The following TNKS variants were observed in gnomAD, a reference collection of about 807,000 sequenced individuals.
TNKS encodes poly [ADP-ribose] polymerase tankyrase-1.
In TNKS, 72 loss-of-function variants were observed where a neutral mutation model predicts 135.8. That is an observed-to-expected ratio of 0.53 (90% CI 0.44 to 0.64). The LOEUF (loss-of-function observed/expected upper bound fraction) is 0.64, where lower values mean the gene tolerates loss of function less well. TNKS is among the 30% of genes least tolerant of loss of function. The probability of loss-of-function intolerance (pLI) is 0.00; values close to 1 mark genes in which losing one functional copy is unlikely to be tolerated. For missense variants in TNKS, 1,769 were observed against 1,674.0 expected, an observed-to-expected ratio of 1.06 and a Z score of -0.99; for synonymous variants, 849 against 649.3, an observed-to-expected ratio of 1.31 and a Z score of -4.68.
chr8:9,747,896 G>A, intron 17 of TNKS, 128 bp from the exon 18 acceptor site: 4 of 907,124 alleles, frequency 4.4e-6, no homozygotes, highest in South Asian at 2.0e-5. Flanking sequence ...TTTTTTAGAA[G>A]AAACTTCTGT....
intron 3 of TNKS, among the ~76,000 whole-genome samples, chr8:9,674,907 G>A (rs1585313267): frequency 6.6e-6 from 1 of 152,198 alleles, no homozygotes; most frequent in Non-Finnish European, 1.5e-5. Flanking sequence ...TATGGACTTT[G>A]AAGCCAGTAT....
chr8:9,566,900 G>A (rs924509021), intron 1 of TNKS, among the ~76,000 whole-genome samples: 1 of 152,028 alleles, frequency 6.6e-6, no homozygotes, highest in African/African-American at 2.4e-5. Flanking sequence ...GAGCCACCGC[G>A]CCCGGCCTAG....
At chr8:9,572,825 G>A (rs1357328242) in intron 1 of TNKS, among the ~76,000 whole-genome samples, 1 of 152,156 alleles carries the variant, frequency 6.6e-6, no homozygotes, top group African/African-American at 2.4e-5. Flanking sequence ...GTCTGGAACC[G>A]CTAGTGTTAA....
At chr8:9,580,020 T>C (rs1189424431) in intron 1 of TNKS, 139 bp from the exon 2 acceptor site, 2 of 673,320 alleles carry the variant, frequency 3.0e-6, no homozygotes, top group African/African-American at 3.6e-5. Context: ...ATGAAGCTAA[T>C]GTTTCTTTTG....
chr8:9,622,430 T>C, intron 3 of TNKS, among the ~76,000 whole-genome samples: 1 of 152,192 alleles, frequency 6.6e-6, no homozygotes, highest in East Asian at 1.9e-4. Context: ...ATCCTCACAA[T>C]GAAGCTGTGA....
chr8:9,598,761 GTGTGTATATATATATATATATATATA>G (rs1191209038), intron 2 of TNKS, among the ~76,000 whole-genome samples: 4 of 67,250 alleles, frequency 5.9e-5, no homozygotes, highest in Admixed American at 1.9e-4. Context: ...GTATATGTGT[GTGTGTATATATATATATATATATATA>G]TATATATATA....
At chr8:9,765,362 T>C (rs896019852) in intron 23 of TNKS, among the ~76,000 whole-genome samples, 3 of 151,966 alleles carry the variant, frequency 2.0e-5, no homozygotes, top group African/African-American at 7.3e-5. Flanking sequence ...TTAAAAAAAA[T>C]ACAGATTTAC....
At chr8:9,756,466 G>T (rs1182911566) in intron 20 of TNKS, among the ~76,000 whole-genome samples, 1 of 151,316 alleles carries the variant, frequency 6.6e-6, no homozygotes, top group African/African-American at 2.4e-5. Flanking sequence ...ATGTATACTA[G>T]ATAGAAATAA....
chr8:9,657,613 A>T, intron 3 of TNKS, among the ~76,000 whole-genome samples: 1 of 71,686 alleles, frequency 1.4e-5, no homozygotes, highest in African/African-American at 5.4e-5. Context: ...TGACCCCCCT[A>T]CCTCCCTCCT....
chr8:9,613,439 TGAG>T, intron 2 of TNKS, among the ~76,000 whole-genome samples: 1 of 152,360 alleles, frequency 6.6e-6, no homozygotes, highest in East Asian at 1.9e-4. Flanking sequence ...GCTGATCTAA[TGAG>T]GGGTTAGATA....
chr8:9,634,466 ACTT>A (rs1228915238), intron 3 of TNKS, among the ~76,000 whole-genome samples: 2 of 152,084 alleles, frequency 1.3e-5, no homozygotes, highest in African/African-American at 2.4e-5. Flanking sequence ...ACCAACTTTG[ACTT>A]CTTATTAAGT....
Position 9,656,072 on chromosome 8 carries a change from C to T in TNKS, c.995-23879C>T, listed in dbSNP as rs143986603. Among the ~76,000 whole-genome samples the T allele has an allele frequency of 5.0e-3, 757 of 152,272 alleles. 7 individuals carry two copies. Among genetic ancestry groups the T allele is most frequent in the African/African-American group, 0.017 (718 of 41,548 alleles). ...AAAGAGCTGATGGAGCTGAAAACCACGGCACGAGAACTATGTGACGAATGC... is the reference window on the plus strand; with the variant it reads ...AAAGAGCTGATGGAGCTGAAAACCATGGCACGAGAACTATGTGACGAATGC... On this transcript the variant is annotated intron_variant, in intron 3 of 26. Coordinates refer to ENST00000310430, the MANE Select transcript of TNKS (RefSeq NM_003747.3).
chr8:9,697,289 C>T (rs545705845), intron 5 of TNKS, among the ~76,000 whole-genome samples: 7 of 152,226 alleles, frequency 4.6e-5, no homozygotes, highest in Non-Finnish European at 8.8e-5. Flanking sequence ...TCCTCATATA[C>T]AAAAGTTAAC....
chr8:9,608,683 C>A (rs1799330209), intron 2 of TNKS, among the ~76,000 whole-genome samples: 1 of 152,176 alleles, frequency 6.6e-6, no homozygotes, highest in Non-Finnish European at 1.5e-5. Flanking sequence ...CTCTAGTTTC[C>A]CATCCTGCAG....
At chr8:9,623,384 C>T (rs4474024) in intron 3 of TNKS, among the ~76,000 whole-genome samples, 14 of 150,958 alleles carry the variant, frequency 9.3e-5, no homozygotes, top group African/African-American at 2.9e-4. Flanking sequence ...AGTGCAGATT[C>T]GGTTTCAGAC....
chr8:9,587,414 T>TC (rs916333956), intron 2 of TNKS, among the ~76,000 whole-genome samples: 1 of 150,116 alleles, frequency 6.7e-6, no homozygotes. Context: ...TTTTTTTTTT[T>TC]CTTCAAATGG....
intron 3 of TNKS, 81 bp downstream of exon 3, chr8:9,615,758 TTTC>T: frequency 5.1e-6 from 6 of 1,185,994 alleles, no homozygotes; most frequent in Non-Finnish European, 7.2e-6. Context: ...ATGCTGAATT[TTTC>T]TTTTCACTGA....
intron 3 of TNKS, among the ~76,000 whole-genome samples, chr8:9,630,683 G>A (rs1800256852): frequency 6.6e-6 from 1 of 152,096 alleles, no homozygotes; most frequent in Non-Finnish European, 1.5e-5. Context: ...TCCAATAATA[G>A]CCTTTGTTAT....
chr8:9,571,116 C>A (rs185349490), intron 1 of TNKS, among the ~76,000 whole-genome samples: 1 of 152,074 alleles, frequency 6.6e-6, no homozygotes, highest in Non-Finnish European at 1.5e-5. Context: ...CCTTTTCCTC[C>A]CTACTGTGGC....
Sources: gnomAD v4.1 joint callset for allele counts (sites outside exome capture counted in the v4.1 genomes callset) on GRCh38, gnomAD v4.1.1 for gene constraint, MANE v1.5 for transcripts, NCBI Gene and HGNC (gene_info 2026-07-23, HGNC 2026-07-21) for gene names.